Variants in PTGIR observed in about 807,000 individuals in gnomAD.
PTGIR encodes the protein prostaglandin I2 receptor.
Under a neutral mutation model 17.6 loss-of-function variants are expected in PTGIR, and 16 were observed. The observed-to-expected ratio is 0.91, with a 90% CI of 0.61 to 1.38. The LOEUF (loss-of-function observed/expected upper bound fraction) is 1.38. Among genes scored for constraint, PTGIR ranks in the 40% most tolerant of loss-of-function variants. The probability of loss-of-function intolerance (pLI) is 0.00; values close to 1 mark genes in which losing one functional copy is unlikely to be tolerated. For synonymous variants in PTGIR, 274 were observed against 255.4 expected (o/e 1.07, Z -0.69); for missense variants, 532 against 548.6 (o/e 0.97, Z 0.30).
At chr19:46,623,167 T>C (rs1251842065) in intron 2 of PTGIR, 3 of 249,120 alleles carry the variant, frequency 1.2e-5, no homozygotes, top group African/African-American at 6.7e-5. Flanking sequence ...TATTTATTTG[T>C]TGTATTTTTA....
chr19:46,615,317 G>GTTATATACAAATATATA, the PTGIR span, among the ~76,000 whole-genome samples: 1 of 152,204 alleles, frequency 6.6e-6, no homozygotes, highest in Non-Finnish European at 1.5e-5. Context: ...AAAGGAGGAC[G>GTTATATACAAATATATA]TATGTAGGTT....
At chr19:46,617,131 C>T (rs565319603), downstream of PTGIR, among the ~76,000 whole-genome samples, 46 of 152,306 alleles carry the variant, frequency 3.0e-4, no homozygotes, top group East Asian at 4.4e-3. Context: ...TTGAGGAAAC[C>T]GCAGCCATCT....
chr19:46,611,077 G>A, the PTGIR span, among the ~76,000 whole-genome samples: 4 of 152,198 alleles, frequency 2.6e-5, no homozygotes, highest in African/African-American at 9.6e-5. Context: ...TGCCATGGGA[G>A]CACACAGAGA....
intron 2 of PTGIR, 118 bp downstream of exon 2, chr19:46,623,340 C>G (rs551918697): frequency 1.2e-4 from 145 of 1,236,270 alleles, no homozygotes; most frequent in Admixed American, 1.5e-4. Context: ...GCGTGAGCCA[C>G]CATGCCCACG....
In PTGIR at chr19:46,620,647, G is replaced by C. The variant is rs987447006; in HGVS notation, c.*633C>G. On this transcript the variant is annotated 3_prime_UTR_variant, in exon 3 of 3. Coordinates refer to ENST00000291294, the MANE Select transcript of PTGIR (RefSeq NM_000960.4). ...TCTCATCTTGCAGCCAGTCAAGCTA[G>C]GTGGAATGTCTCAGGCCCTTTTTGT... is the stretch of plus-strand genomic sequence containing the variant. The C allele has an allele frequency of 1.0e-6, 1 of 985,764 alleles. No homozygotes were observed. Among genetic ancestry groups the C allele is most frequent in the Non-Finnish European group, 1.2e-6 (1 of 829,998 alleles). The allele number at this position is 985,764 out of a possible 1,614,324, so 61.1% of individuals were successfully genotyped here.
the PTGIR span, among the ~76,000 whole-genome samples, chr19:46,615,034 A>C: frequency 6.6e-6 from 1 of 151,248 alleles, no homozygotes; most frequent in African/African-American, 2.4e-5. Context: ...ACCCCCCCAA[A>C]AAAAATTAGC....
In PTGIR at chr19:46,624,176, G is replaced by A. The variant is rs765317875; in HGVS notation, c.50C>T (p.Pro17Leu). ...NLTYVRGSVGPATSTLMFVAG... is the reference protein window; with the variant it reads ...NLTYVRGSVGLATSTLMFVAG... ...CACGAACATCAGGGTGCTGGTGGCC[G>A]GCCCCACCGAGCCCCGCACGTAGGT... is the stretch of plus-strand genomic sequence containing the variant. Residue 17 changes from proline (P) to leucine (L), a missense_variant, in exon 2 of 3, where the codon CCG (proline) becomes CTG (leucine). Pro to Leu is a moderately conservative substitution (Grantham distance 98, BLOSUM62 -3). Transcript: ENST00000291294. 16 of 1,493,152 alleles carry A rather than the reference G, an allele frequency of 1.1e-5. No homozygotes were observed. Among genetic ancestry groups the A allele is most frequent in the South Asian group, 7.8e-5 (6 of 77,208 alleles). 92.5% of individuals were successfully genotyped at this position (1,493,152 alleles called of 1,614,324 possible).
At chr19:46,624,369 G>A in intron 1 of PTGIR, 132 bp from the exon 2 acceptor site, 1 of 765,878 alleles carries the variant, frequency 1.3e-6, no homozygotes, top group Non-Finnish European at 1.9e-6. Context: ...TCTCCTGTGT[G>A]TGCGGGTATG....
intron 2 of PTGIR, chr19:46,622,340 G>T (rs1045475952): frequency 1.7e-5 from 17 of 984,866 alleles, no homozygotes; most frequent in Non-Finnish European, 1.9e-5. Flanking sequence ...CCAGGACCAG[G>T]ACCTGGCTCT....
downstream of PTGIR, among the ~76,000 whole-genome samples, chr19:46,619,501 G>T (rs1186879117): frequency 4.0e-5 from 2 of 49,742 alleles, no homozygotes; most frequent in African/African-American, 6.9e-5. Context: ...TCTCAAAAAA[G>T]AAAGAAAGAA....
chr19:46,624,230 G>A lies in PTGIR; in HGVS notation c.-5C>T. ...GTTCCTGCACGAATCCGCCATCCCA[G>A]GTCTGGGCTGGAGGGTTCCCAAGGT... On this transcript the variant is annotated 5_prime_UTR_variant, in exon 2 of 3. Transcript: ENST00000291294. 6.9e-7 allele frequency: 1 copy of A among 1,439,410 alleles called. No homozygotes were observed. Among genetic ancestry groups the A allele is most frequent in the East Asian group, 2.6e-5 (1 of 38,078 alleles). 89.2% of individuals were successfully genotyped at this position (1,439,410 alleles called of 1,614,324 possible). A position where few individuals can be genotyped will look rare whatever the true frequency, so the allele number is the denominator to read the frequency against.
At position 46,621,943 on chromosome 19, in the gene PTGIR, A is replaced by G. The variant is rs1373007079; in HGVS notation, c.769-271T>C. 3 of 1,250,466 alleles carry G rather than the reference A, an allele frequency of 2.4e-6. No individual in the cohort carries two copies. Among genetic ancestry groups the G allele is most frequent in the Non-Finnish European group, 3.0e-6 (3 of 995,442 alleles). The allele number at this position is 1,250,466 out of a possible 1,614,324, so 77.5% of individuals were successfully genotyped here. ...AGCTGGGAGGACCCTCGGGCTCCACAGATTTTTGAGTATAACGTCCCTGCA... is the reference window on the plus strand; with the variant it reads ...AGCTGGGAGGACCCTCGGGCTCCACGGATTTTTGAGTATAACGTCCCTGCA... On this transcript the variant is annotated intron_variant, in intron 2 of 2. Transcript: ENST00000291294. The surrounding 1 kb of genome is among the most constrained non-coding windows in gnomAD (Gnocchi z 4.8).
intron 2 of PTGIR, chr19:46,622,252 G>A: frequency 2.0e-6 from 2 of 985,424 alleles, no homozygotes; most frequent in Non-Finnish European, 2.4e-6. Flanking sequence ...AAACCGAGGT[G>A]CAGAGGCAAG....
chr19:46,614,270 C>CCACTCCTGAGCCTGGTGT, the PTGIR span: 1 of 674,884 alleles, frequency 1.5e-6, no homozygotes, highest in Non-Finnish European at 1.8e-6. Context: ...GGCTCTGGGG[C>CCACTCCTGAGCCTGGTGT]CACTCCTGAG....
intron 2 of PTGIR, chr19:46,622,302 G>A (rs1027556114): frequency 5.0e-5 from 49 of 985,288 alleles, no homozygotes; most frequent in Non-Finnish European, 5.9e-5. Context: ...CCAGGTAGGT[G>A]GGAGATCAGG....
At position 46,623,533 on chromosome 19, in the gene PTGIR, T is replaced by C; in HGVS notation, c.693A>G (p.Gly231=). 1 of 1,563,766 alleles carries C rather than the reference T, an allele frequency of 6.4e-7. No homozygotes were observed. The highest frequency in any genetic ancestry group is 2.4e-5 in the East Asian group (1 of 42,340). ...GGATCAGGTGGTCCACCTCGTCCTC[T>C]CCGGTGCGCGGCCGTGGACCCAGAG... ...QGSLGPRPRT[G]EDEVDHLILL... Residue 231 remains glycine (G), a synonymous_variant, in exon 2 of 3, where the codon GGA becomes GGG. Coordinates refer to ENST00000291294, the MANE Select transcript of PTGIR (RefSeq NM_000960.4).
chr19:46,620,292 A>G (rs575820262), downstream of PTGIR, among the ~76,000 whole-genome samples: 18 of 152,164 alleles, frequency 1.2e-4, no homozygotes, highest in South Asian at 3.7e-3. Context: ...TGTAGAGACA[A>G]GTTCTCGATA....
At chr19:46,615,329 T>C in the PTGIR span, among the ~76,000 whole-genome samples, 58 of 152,266 alleles carry the variant, frequency 3.8e-4, no homozygotes, top group Non-Finnish European at 6.0e-4. Context: ...ATGTAGGTTA[T>C]ATACAAATAT....
chr19:46,618,634 A>C (rs1464886904), downstream of PTGIR, among the ~76,000 whole-genome samples: 1 of 152,184 alleles, frequency 6.6e-6, no homozygotes, highest in Non-Finnish European at 1.5e-5. Context: ...TTTTAATCGC[A>C]GTAAGATACA....
Sources: allele counts gnomAD v4.1 joint callset (sites outside exome capture counted in the v4.1 genomes callset), GRCh38; gene constraint gnomAD v4.1.1; non-coding constraint Gnocchi (gnomAD v3.1); transcripts MANE v1.5; gene names NCBI Gene and HGNC (gene_info 2026-07-23, HGNC 2026-07-21).